The following BCAR3 variants were observed in gnomAD, a reference collection of about 807,000 sequenced individuals.
The protein encoded by BCAR3 is BCAR3 adaptor protein, NSP family member, also known as breast cancer anti-estrogen resistance protein 3.
BCAR3 carries 37 observed loss-of-function variants against 80.1 expected under a neutral mutation model. The observed-to-expected ratio is 0.46, with a 90% CI of 0.36 to 0.61. The LOEUF is 0.61. Among genes scored for constraint, BCAR3 ranks in the 20% least tolerant of loss-of-function variants. The probability of loss-of-function intolerance (pLI) is 0.00; values close to 1 mark genes in which losing one functional copy is unlikely to be tolerated. For missense variants in BCAR3, 978 were observed against 1,068.2 expected, an observed-to-expected ratio of 0.92 and a Z score of 1.18; for synonymous variants, 389 against 418.9, an observed-to-expected ratio of 0.93 and a Z score of 0.87.
chr1:93,737,668 A>G (rs1480674800), intron 2 of BCAR3, among the ~76,000 whole-genome samples: 1 of 152,230 alleles, frequency 6.6e-6, no homozygotes, highest in East Asian at 1.9e-4. Flanking sequence ...CATTTGTTAC[A>G]GCAACCCTAG....
chr1:93,817,785 T>A (rs940745446), intron 2 of BCAR3, among the ~76,000 whole-genome samples: 7 of 152,078 alleles, frequency 4.6e-5, no homozygotes, highest in African/African-American at 1.7e-4. Flanking sequence ...TGACTAGCCC[T>A]GTTTACCCCC....
In BCAR3 at chr1:93,676,884, A is replaced by G. The variant is rs546641112; in HGVS notation, c.-11-1943T>C. 8.5e-5 allele frequency among the ~76,000 whole-genome samples: 13 copies of G among 152,328 alleles called. 2 individuals are homozygous for G. The highest frequency in any genetic ancestry group is 3.1e-4 in the African/African-American group (13 of 41,572). ...CATGATGGGCAAAAGTCACCCTAGCACCACTGCCTTTGGCAGCCTGTTTCC... is the reference window on the plus strand; with the variant it reads ...CATGATGGGCAAAAGTCACCCTAGCGCCACTGCCTTTGGCAGCCTGTTTCC... On this transcript the variant is annotated intron_variant, in intron 1 of 11. Coordinates refer to ENST00000260502, the MANE Select transcript of BCAR3 (RefSeq NM_003567.4).
intron 3 of BCAR3, among the ~76,000 whole-genome samples, chr1:93,595,678 A>T (rs1204445593): frequency 6.6e-6 from 1 of 152,230 alleles, no homozygotes; most frequent in Non-Finnish European, 1.5e-5. Context: ...TGATTTTGCC[A>T]CTTTAGATAA....
At chr1:93,840,657 T>C (rs1236967724) in intron 2 of BCAR3, among the ~76,000 whole-genome samples, 4 of 152,152 alleles carry the variant, frequency 2.6e-5, no homozygotes, top group Non-Finnish European at 5.9e-5. Context: ...AAGCAGGAAT[T>C]AGGACACTGA....
intron 2 of BCAR3, among the ~76,000 whole-genome samples, chr1:93,666,922 A>G (rs1647944271): frequency 6.6e-6 from 1 of 152,162 alleles, no homozygotes; most frequent in Admixed American, 6.5e-5. Context: ...GGTTACACCA[A>G]AGGATTAGGC....
rs1360650285 is a variant in BCAR3 at position 93,582,686 on chromosome 1, G to A, written c.1301C>T (p.Pro434Leu). 6.2e-7 allele frequency: 1 copy of A among 1,614,068 alleles called. No homozygotes were observed. Among genetic ancestry groups the A allele is most frequent in the Admixed American group, 1.7e-5 (1 of 60,020 alleles). Residue 434 changes from proline (P) to leucine (L), a missense_variant, in exon 7 of 12, where the codon CCA (proline) becomes CTA (leucine). Coordinates refer to ENST00000260502, the MANE Select transcript of BCAR3 (RefSeq NM_003567.4). Reference sequence around the variant, plus strand: ...CCTGCCGCAGCCTGTGGCAAACGCTGGGTTCAGTTCACAGTAGTTGGCCTC... The same window carrying A: ...CCTGCCGCAGCCTGTGGCAAACGCTAGGTTCAGTTCACAGTAGTTGGCCTC... ...NSEANYCELNPAFATGCGRGA... is the reference protein window; with the variant it reads ...NSEANYCELNLAFATGCGRGA...
chr1:93,761,199 G>A (rs1001070626), intron 2 of BCAR3, among the ~76,000 whole-genome samples: 5 of 152,114 alleles, frequency 3.3e-5, no homozygotes, highest in African/African-American at 7.2e-5. Flanking sequence ...CTGAGATGAC[G>A]GGGGTGTGGA....
intron 5 of BCAR3, among the ~76,000 whole-genome samples, chr1:93,585,863 C>A (rs548908020): frequency 1.3e-5 from 2 of 152,084 alleles, no homozygotes; most frequent in East Asian, 3.9e-4. Context: ...CTCAGCCTCT[C>A]GAGTAGCTGG....
chr1:93,653,407 G>C (rs1415344717), intron 2 of BCAR3, among the ~76,000 whole-genome samples: 2 of 152,140 alleles, frequency 1.3e-5, no homozygotes, highest in Non-Finnish European at 2.9e-5. Flanking sequence ...ACTTGGCATG[G>C]TGTCTGTATT....
rs538391395 is a variant in BCAR3, at chr1:93,845,381, T to C, written c.-63+186A>G. On this transcript the variant is annotated intron_variant, in intron 2 of 13. Coordinates refer to the BCAR3 transcript ENST00000370244. ...TACAATTTAAAACCATATTCCATTT[T>C]AAAGGCTAATTTTATCCATATGAGA... Among the ~76,000 whole-genome samples the C allele has an allele frequency of 1.7e-4, 26 of 151,192 alleles. No individual in the cohort carries two copies. The South Asian group carries it at 5.2e-3, about 30-fold the overall frequency.
At chr1:93,741,583 T>C (rs1651177188) in intron 2 of BCAR3, among the ~76,000 whole-genome samples, 1 of 152,232 alleles carries the variant, frequency 6.6e-6, no homozygotes, top group Non-Finnish European at 1.5e-5. Context: ...TTATTATTAT[T>C]ACTGGAGACA....
chr1:93,640,398 A>G (rs959362388), intron 3 of BCAR3, among the ~76,000 whole-genome samples: 4 of 151,986 alleles, frequency 2.6e-5, no homozygotes, highest in Non-Finnish European at 5.9e-5. Flanking sequence ...ATCCCTCTAA[A>G]CCAAGGGTGA....
At chr1:93,588,951 G>C in intron 5 of BCAR3, 26 bp downstream of exon 5, 1 of 1,530,990 alleles carries the variant, frequency 6.5e-7, no homozygotes, top group Non-Finnish European at 8.8e-7. Flanking sequence ...GCCCCTCATA[G>C]TCCTGCAGAG....
At chr1:93,618,931 T>G (rs988499668) in intron 3 of BCAR3, among the ~76,000 whole-genome samples, 2 of 150,896 alleles carry the variant, frequency 1.3e-5, no homozygotes, top group Admixed American at 6.6e-5. Flanking sequence ...TGGGTTTTTT[T>G]TTTTTTTGTT....
chr1:93,603,999 C>A (rs1040601326), intron 3 of BCAR3, among the ~76,000 whole-genome samples: 6 of 152,196 alleles, frequency 3.9e-5, no homozygotes, highest in Admixed American at 3.3e-4. Context: ...CGTTTAAGCA[C>A]CTTGATGAAA....
chr1:93,703,334 G>A (rs1403844152), intron 3 of BCAR3, among the ~76,000 whole-genome samples: 2 of 152,174 alleles, frequency 1.3e-5, no homozygotes, highest in Non-Finnish European at 2.9e-5. Flanking sequence ...CCAGTACTTT[G>A]GGAGGCTGAA....
At chr1:93,639,199 C>T (rs1675900827) in intron 3 of BCAR3, among the ~76,000 whole-genome samples, 1 of 152,126 alleles carries the variant, frequency 6.6e-6, no homozygotes, top group African/African-American at 2.4e-5. Context: ...CCCCTTTCAC[C>T]TGGCATGAAT....
chr1:93,571,618 T>G (rs764262612), intron 9 of BCAR3, 52 bp downstream of exon 9: 1 of 1,599,892 alleles, frequency 6.3e-7, no homozygotes, highest in Admixed American at 1.7e-5. Flanking sequence ...AAACATGGCA[T>G]GCAGATCTCT....
At chr1:93,783,293 T>C (rs1307439651) in intron 2 of BCAR3, among the ~76,000 whole-genome samples, 1 of 152,180 alleles carries the variant, frequency 6.6e-6, no homozygotes, top group African/African-American at 2.4e-5. Flanking sequence ...GCAACATCCA[T>C]AGCCTCTACC....
Sources: gnomAD v4.1 joint callset for allele counts (sites outside exome capture counted in the v4.1 genomes callset) on GRCh38, gnomAD v4.1.1 for gene constraint, MANE v1.5 for transcripts, NCBI Gene and HGNC (gene_info 2026-07-23, HGNC 2026-07-21) for gene names.